STIM2: variants seen among roughly 807,000 people sequenced by gnomAD.
STIM2 encodes stromal interaction molecule 2.
In STIM2, 31 loss-of-function variants were observed where a neutral mutation model predicts 85.8. That is an observed-to-expected ratio of 0.36 (90% CI 0.27 to 0.49). The LOEUF (loss-of-function observed/expected upper bound fraction) is 0.49. Ranked by LOEUF, STIM2 falls within the 20% of genes least tolerant of loss-of-function variation. STIM2 has a pLI of 0.98. For missense variants in STIM2, 841 were observed against 927.6 expected, an observed-to-expected ratio of 0.91 and a Z score of 1.21; for synonymous variants, 356 against 331.1, an observed-to-expected ratio of 1.08 and a Z score of -0.82.
intron 1 of STIM2, among the ~76,000 whole-genome samples, chr4:26,868,912 A>G (rs79159154): frequency 0.025 from 3,830 of 152,300 alleles, 90 homozygotes; most frequent in Non-Finnish European, 0.04. Flanking sequence ...TGGGTACCAC[A>G]TTAAGAAAGA....
At chr4:26,974,180 CTT>C (rs1416806474) in intron 3 of STIM2, among the ~76,000 whole-genome samples, 17 of 152,142 alleles carry the variant, frequency 1.1e-4, no homozygotes, top group African/African-American at 3.4e-4. Flanking sequence ...GGTCTTGACT[CTT>C]TATCCAATTT....
At chr4:26,918,883 A>T (rs980871125) in intron 1 of STIM2, among the ~76,000 whole-genome samples, 1 of 152,218 alleles carries the variant, frequency 6.6e-6, no homozygotes, top group African/African-American at 2.4e-5. Flanking sequence ...ACAAGATTTA[A>T]AAACATCTGG....
At chr4:26,930,035 T>C (rs1725146971) in intron 2 of STIM2, among the ~76,000 whole-genome samples, 2 of 152,142 alleles carry the variant, frequency 1.3e-5, no homozygotes, top group South Asian at 4.1e-4. Flanking sequence ...CTTTGGGTGC[T>C]TCAGATCAGG....
At chr4:26,902,582 T>A (rs145316745) in intron 1 of STIM2, among the ~76,000 whole-genome samples, 1 of 152,224 alleles carries the variant, frequency 6.6e-6, no homozygotes, top group African/African-American at 2.4e-5. Flanking sequence ...GCAAAGCTAA[T>A]ATTACTTTGA....
chr4:26,868,924 A>G (rs1722504426), intron 1 of STIM2, among the ~76,000 whole-genome samples: 2 of 152,210 alleles, frequency 1.3e-5, no homozygotes. Context: ...TAAGAAAGAA[A>G]AGCTAAAGTG....
intron 2 of STIM2, among the ~76,000 whole-genome samples, chr4:26,952,408 C>G (rs1726088800): frequency 6.6e-6 from 1 of 151,984 alleles, no homozygotes; most frequent in South Asian, 2.1e-4. Context: ...ATATGTAAAT[C>G]AAGGTAAAAA....
intron 7 of STIM2, among the ~76,000 whole-genome samples, chr4:27,005,653 ACATT>A (rs1179375374): frequency 2.0e-5 from 3 of 152,214 alleles, no homozygotes; most frequent in Non-Finnish European, 2.9e-5. Context: ...ATCAAATGAA[ACATT>A]CATGAGTAAT....
At chr4:26,873,584 G>A in intron 1 of STIM2, 2 of 461,692 alleles carry the variant, frequency 4.3e-6, no homozygotes, top group Non-Finnish European at 8.1e-6. Context: ...CAGACATACT[G>A]GGTGTGAAGT....
rs999271692 is a variant in STIM2, at chr4:26,999,246, A to G, written c.524A>G (p.Glu175Gly). The G allele has an allele frequency of 9.3e-6, 15 of 1,606,584 alleles. No individual in the cohort carries two copies. The highest frequency in any genetic ancestry group is 1.3e-5 in the Non-Finnish European group (15 of 1,175,974). The stretch of plus-strand genomic sequence containing the variant: ...CAAATAAACAGGATAGCAGTGCACG[A>G]ACCTTCATTTATGATCTCCCAGTTG... Residue 175 changes from glutamate to glycine, a missense_variant, in exon 5 of 12, where the codon GAA becomes GGA. This residue lies in a region of STIM2 where 408 missense variants were observed against 525.4 expected (regional missense o/e 0.78). Transcript: ENST00000467087.
chr4:26,951,474 T>C (rs1726049257), intron 2 of STIM2, among the ~76,000 whole-genome samples: 1 of 152,132 alleles, frequency 6.6e-6, no homozygotes. Context: ...GTTGTTTGTT[T>C]CTGGTCATCT....
chr4:26,903,434 A>G (rs1724000959), intron 1 of STIM2, among the ~76,000 whole-genome samples: 1 of 152,062 alleles, frequency 6.6e-6, no homozygotes, highest in Admixed American at 6.6e-5. Context: ...CTTGTACTTG[A>G]TTTTTGCAAA....
At chr4:26,973,839 G>A (rs1727073410) in intron 3 of STIM2, among the ~76,000 whole-genome samples, 1 of 152,178 alleles carries the variant, frequency 6.6e-6, no homozygotes, top group Admixed American at 6.5e-5. Flanking sequence ...ACAGTGGGTT[G>A]TTAAAGTCTT....
At chr4:26,899,091 T>TAATA (rs1336054600) in intron 1 of STIM2, among the ~76,000 whole-genome samples, 1 of 152,060 alleles carries the variant, frequency 6.6e-6, no homozygotes, top group East Asian at 1.9e-4. Flanking sequence ...TTGCTATAGA[T>TAATA]TATTTATCAA....
chr4:27,021,542 C>T (rs530593524), intron 11 of STIM2: 79 of 456,684 alleles, frequency 1.7e-4, no homozygotes, highest in South Asian at 1.1e-3. Context: ...CACATGTACA[C>T]GGCCTGGTAC....
At chr4:26,965,990 T>C (rs1028854312) in intron 3 of STIM2, among the ~76,000 whole-genome samples, 1 of 152,160 alleles carries the variant, frequency 6.6e-6, no homozygotes, top group African/African-American at 2.4e-5. Flanking sequence ...TGTGAAGCTT[T>C]TCTTATGATT....
intron 2 of STIM2, among the ~76,000 whole-genome samples, chr4:26,923,666 A>G (rs1724900393): frequency 1.0e-5 from 1 of 96,144 alleles, no homozygotes; most frequent in Admixed American, 1.2e-4. Context: ...GATCAAATTC[A>G]CACATAACAA....
chr4:26,871,796 G>A (rs945891840), intron 1 of STIM2, among the ~76,000 whole-genome samples: 4 of 148,204 alleles, frequency 2.7e-5, no homozygotes, highest in Non-Finnish European at 4.4e-5. Context: ...CTCCCACCTC[G>A]GCCCCGCAAA....
At chr4:26,931,449 TAA>T (rs1211725511) in intron 2 of STIM2, among the ~76,000 whole-genome samples, 2 of 152,168 alleles carry the variant, frequency 1.3e-5, no homozygotes, top group African/African-American at 4.8e-5. Context: ...ATATAGAGTA[TAA>T]AAGCAGTAAA....
chr4:26,875,994 G>A (rs773081644), intron 1 of STIM2, among the ~76,000 whole-genome samples: 1 of 151,952 alleles, frequency 6.6e-6, no homozygotes, highest in Non-Finnish European at 1.5e-5. Flanking sequence ...AACCATTTTC[G>A]CTTGTAGTAT....
Sources: gnomAD v4.1 joint callset for allele counts (sites outside exome capture counted in the v4.1 genomes callset) on GRCh38, gnomAD v4.1.1 for gene constraint, gnomAD v4.1.1 regional missense constraint, MANE v1.5 for transcripts, NCBI Gene and HGNC (gene_info 2026-07-23, HGNC 2026-07-21) for gene names.